The following NEB variants were observed in gnomAD, a reference collection of about 807,000 sequenced individuals.
NEB encodes the protein nemaline myopathy type 2.
In NEB, 512 loss-of-function variants were observed where a neutral mutation model predicts 952.2. That is an observed-to-expected ratio of 0.54 (90% CI 0.50 to 0.58). The LOEUF (loss-of-function observed/expected upper bound fraction) is 0.58. Among genes scored for constraint, NEB ranks in the 20% least tolerant of loss-of-function variants. The pLI is 0.00. For missense variants in NEB, 8,428 were observed against 9,231.1 expected (o/e 0.91, Z 3.56); for synonymous variants, 2,900 against 3,149.8 (o/e 0.92, Z 2.66).
intron 29 of NEB, 55 bp from the exon 30 acceptor site, chr2:151,680,883 A>G (rs2099409267): frequency 7.5e-7 from 1 of 1,331,710 alleles, no homozygotes; most frequent in African/African-American, 1.4e-5. Context: ...GAAGATTAAT[A>G]CGTCAAAATC....
intron 73 of NEB, 25 bp from the exon 74 acceptor site, chr2:151,618,503 G>A: frequency 6.3e-7 from 1 of 1,593,566 alleles, no homozygotes; most frequent in Non-Finnish European, 8.6e-7. Context: ...ATAAGAAACA[G>A]ATTTATTAAT....
At chr2:151,530,801 AC>A (rs1319289843) in intron 145 of NEB, 192 bp downstream of exon 145, 3 of 430,594 alleles carry the variant, frequency 7.0e-6, no homozygotes, top group Non-Finnish European at 1.2e-5. Flanking sequence ...TCTGCCAGCA[AC>A]ATGGGGAGCA....
Position 151,541,387 on chromosome 2 carries a change from G to A in NEB, c.20682+60C>T, listed in dbSNP as rs1317752379. The A allele has an allele frequency of 1.3e-5, 18 of 1,343,944 alleles. No homozygotes were observed. The East Asian group carries it at 4.0e-4, about 30-fold the overall frequency. 83.3% of individuals were successfully genotyped at this position (1,343,944 alleles called of 1,614,324 possible). A position where few individuals can be genotyped will look rare whatever the true frequency, so the allele number is the denominator to read the frequency against. On this transcript the variant is annotated intron_variant, in intron 136 of 181. Transcript: ENST00000397345. ...GTCTGCCACTGGCCAGGTGAGGCCA[G>A]GCACATATAATCACCCCCTGTGATG...
At chr2:151,668,506 A>C (rs940587279) in intron 39 of NEB, among the ~76,000 whole-genome samples, 2 of 152,154 alleles carry the variant, frequency 1.3e-5, no homozygotes, top group Non-Finnish European at 2.9e-5. Flanking sequence ...TCCAAGTTTT[A>C]TTATGTTTTT....
At position 151,688,547 on chromosome 2, in the gene NEB, T is replaced by C. The variant is rs150263820; in HGVS notation, c.2311-151A>G. ...AAAGTCTCGCACAGGATTCAAACTTTCATCCCCTATTTCAGGGACTGTGGC... is the reference window on the plus strand; with the variant it reads ...AAAGTCTCGCACAGGATTCAAACTTCCATCCCCTATTTCAGGGACTGTGGC... On this transcript the variant is annotated intron_variant, in intron 24 of 181. Transcript: ENST00000397345. 1.6e-3 allele frequency among the ~76,000 whole-genome samples: 237 copies of C among 152,326 alleles called. 1 individual carries two copies. Among genetic ancestry groups the C allele is most frequent in the Non-Finnish European group, 2.7e-3 (186 of 68,032 alleles).
In NEB at chr2:151,548,368, T is replaced by C; in HGVS notation, c.20097A>G (p.Thr6699=). The C allele has an allele frequency of 6.2e-7, 1 of 1,613,830 alleles. No individual in the cohort carries two copies. Among genetic ancestry groups the C allele is most frequent in the South Asian group, 1.1e-5 (1 of 91,082 alleles). ...AYEHTKAYGY[T]LGPKDVPFVH... ...CAAATGGAACATCTTTGGGGCCAAG[T>C]GTATACCCATATGCCTTGGTGTGTT... The change falls in exon 131 of 182, where the codon ACA becomes ACG. Residue 6699 remains threonine, a synonymous_variant. Transcript: ENST00000397345.
intron 81 of NEB, 75 bp downstream of exon 81, chr2:151,609,734 C>A: frequency 2.8e-6 from 4 of 1,438,376 alleles, no homozygotes; most frequent in South Asian, 1.4e-5. Flanking sequence ...GGGGACTGTC[C>A]TCAGAGGCAC....
Position 151,576,233 on chromosome 2 carries a change from G to C in NEB, c.16826C>G (p.Pro5609Arg), listed in dbSNP as rs776721159. 1 of 1,611,550 alleles carries C rather than the reference G, an allele frequency of 6.2e-7. No individual in the cohort carries two copies. The highest frequency in any genetic ancestry group is 2.2e-5 in the East Asian group (1 of 44,850). ...NIFCDSVYRT[P>R]VVNLKYTSIV... Reference sequence around the variant, plus strand: ...GCTTGTGTACTTAAGGTTCACCACAGGCGTCCGATAGACACTGTCACAAAA... The same window carrying C: ...GCTTGTGTACTTAAGGTTCACCACACGCGTCCGATAGACACTGTCACAAAA... Residue 5609 changes from proline (P) to arginine (R), a missense_variant, in exon 106 of 182, where the codon CCT becomes CGT. Coordinates refer to ENST00000397345, the MANE Select transcript of NEB (RefSeq NM_001164508.2).
chr2:151,578,866 G>A (rs1460272395), intron 105 of NEB, among the ~76,000 whole-genome samples: 2 of 151,980 alleles, frequency 1.3e-5, no homozygotes, highest in Non-Finnish European at 2.9e-5. Flanking sequence ...TGGATCACCT[G>A]CGGTCAGGAG....
rs148540062 is a variant in NEB, at chr2:151,501,836, A to T, written c.23929-353T>A. Among the ~76,000 whole-genome samples, 348 of 152,212 alleles carry T rather than the reference A, an allele frequency of 2.3e-3. 9 individuals carry two copies. In the East Asian group the frequency reaches 0.046, roughly 20 times the overall value. ...TAAATTAGGGAACCAAAGAAAGAGGAGAGAGAGAGACAGGTAGGTTTGGGG... is the reference window on the plus strand; with the variant it reads ...TAAATTAGGGAACCAAAGAAAGAGGTGAGAGAGAGACAGGTAGGTTTGGGG... On this transcript the variant is annotated intron_variant, in intron 167 of 181. Coordinates refer to ENST00000397345, the MANE Select transcript of NEB (RefSeq NM_001164508.2).
At chr2:151,601,379 G>C (rs1427729062) in intron 88 of NEB, among the ~76,000 whole-genome samples, 1 of 145,376 alleles carries the variant, frequency 6.9e-6, no homozygotes, top group Admixed American at 6.8e-5. Flanking sequence ...AAAATGCTGG[G>C]ATTTACAGGC....
intron 10 of NEB, among the ~76,000 whole-genome samples, chr2:151,716,796 C>A (rs2099760382): frequency 6.6e-6 from 1 of 152,092 alleles, no homozygotes; most frequent in African/African-American, 2.4e-5. Context: ...CAGCAGTATC[C>A]CAGGAGAAAG....
At chr2:151,651,023 A>G in intron 52 of NEB, 138 bp from the exon 53 acceptor site, 2 of 786,452 alleles carry the variant, frequency 2.5e-6, no homozygotes, top group Non-Finnish European at 1.9e-6. Context: ...TCCCAGGCCT[A>G]CTTTTCTAGC....
In NEB at chr2:151,697,537, T is replaced by C. The variant is rs756217803; in HGVS notation, c.1257+7A>G. The C allele has an allele frequency of 1.9e-6, 3 of 1,610,668 alleles. No individual in the cohort carries two copies. The South Asian group carries it at 3.3e-5, about 18-fold the overall frequency. On this transcript the variant is annotated splice_region_variant and intron_variant, in intron 14 of 181. Transcript: ENST00000397345. ...TTAACAGAAAGAGTGACAGTAGGAT[T>C]GCTTACATCACTACTGAAGTTCTGC...
At chr2:151,644,981 G>A (rs1037676205) in intron 55 of NEB, among the ~76,000 whole-genome samples, 3 of 152,164 alleles carry the variant, frequency 2.0e-5, no homozygotes, top group African/African-American at 7.2e-5. Flanking sequence ...GCATGTTAGT[G>A]TAGGCCACTG....
intron 169 of NEB, among the ~76,000 whole-genome samples, chr2:151,498,992 T>C (rs2062390046): frequency 6.6e-6 from 1 of 151,802 alleles, no homozygotes; most frequent in South Asian, 2.1e-4. Context: ...AAAATACATT[T>C]GTTTAAGCTT....
chr2:151,702,503 G>T (rs969108960), intron 13 of NEB, among the ~76,000 whole-genome samples: 3 of 151,982 alleles, frequency 2.0e-5, no homozygotes, highest in African/African-American at 7.3e-5. Flanking sequence ...GGGAGTCTAA[G>T]TCTCTTTGTA....
intron 153 of NEB, among the ~76,000 whole-genome samples, chr2:151,522,137 A>G (rs1195560908): frequency 6.6e-6 from 1 of 152,202 alleles, no homozygotes; most frequent in African/African-American, 2.4e-5. Context: ...GTAGTATAGG[A>G]AAGTGATTTT....
intron 75 of NEB, 99 bp downstream of exon 75, chr2:151,617,265 A>C: frequency 1.4e-6 from 1 of 704,776 alleles, no homozygotes; most frequent in Non-Finnish European, 2.3e-6. Flanking sequence ...GGTAGTTTGT[A>C]GTATGTGTAG....
Sources: gnomAD v4.1 joint callset for allele counts (sites outside exome capture counted in the v4.1 genomes callset) on GRCh38, gnomAD v4.1.1 for gene constraint, MANE v1.5 for transcripts, NCBI Gene and HGNC (gene_info 2026-07-23, HGNC 2026-07-21) for gene names.